The following HAGH variants were observed in gnomAD, a reference collection of about 807,000 sequenced individuals.
HAGH encodes hydroxyacylglutathione hydrolase, mitochondrial.
A neutral mutation model predicts 35.1 loss-of-function variants in HAGH; 29 were observed. The ratio of observed to expected loss-of-function variants is 0.83; its 90% confidence interval spans 0.62 to 1.13. The LOEUF (loss-of-function observed/expected upper bound fraction) is 1.13, where lower values mean the gene tolerates loss of function less well. Among genes scored for constraint, HAGH ranks in the 50% most tolerant of loss-of-function variants. HAGH has a pLI of 0.00. For missense variants in HAGH, 478 were observed against 419.6 expected (o/e 1.14, Z -1.22); for synonymous variants, 225 against 176.1 (o/e 1.28, Z -2.20).
rs150713216 is a variant in HAGH, at chr16:1,817,223, G to A, written c.590C>T (p.Ala197Val). The change falls in exon 6 of 9, where the codon GCG (alanine) becomes GTG (valine). Residue 197 changes from alanine to valine, a missense_variant. By Grantham distance (64) the Ala-to-Val change is moderately conservative. Transcript: ENST00000397356. The part of the protein sequence containing the change: ...AGCGKFYEGT[A>V]DEMCKALLEV... ...CAGCAGAGCTTTACACATCTCATCCGCAGTCCCTTCATAGAACTTCCCGCA... is the reference window on the plus strand; with the variant it reads ...CAGCAGAGCTTTACACATCTCATCCACAGTCCCTTCATAGAACTTCCCGCA... 1.3e-5 allele frequency: 21 copies of A among 1,613,230 alleles called. No individual in the cohort carries two copies. The highest frequency in any genetic ancestry group is 2.7e-5 in the African/African-American group (2 of 74,870).
At chr16:1,818,063 T>C (rs1053701764) in intron 5 of HAGH, among the ~76,000 whole-genome samples, 6 of 152,154 alleles carry the variant, frequency 3.9e-5, no homozygotes, top group African/African-American at 1.4e-4. Flanking sequence ...TGAAGGGCCC[T>C]AGACCTCGAG....
chr16:1,811,435 G>A (rs548284886), intron 7 of HAGH, among the ~76,000 whole-genome samples: 56 of 152,040 alleles, frequency 3.7e-4, no homozygotes, highest in Non-Finnish European at 6.5e-4. Flanking sequence ...ACAACAGGCC[G>A]GGCGCGGTTG....
At chr16:1,814,571 G>C (rs1897802942) in intron 7 of HAGH, among the ~76,000 whole-genome samples, 1 of 151,922 alleles carries the variant, frequency 6.6e-6, no homozygotes, top group Admixed American at 6.6e-5. Flanking sequence ...AAATGAAAAG[G>C]CAAGCCATGA....
At chr16:1,822,173 G>A (rs1898180951) in intron 3 of HAGH, 127 bp downstream of exon 3, 1 of 677,590 alleles carries the variant, frequency 1.5e-6, no homozygotes, top group Admixed American at 2.1e-5. Flanking sequence ...TTTCTCAGAA[G>A]TCTGCTGGGG....
chr16:1,813,353 A>G (rs1303634555), intron 7 of HAGH, among the ~76,000 whole-genome samples: 2 of 152,190 alleles, frequency 1.3e-5, no homozygotes, highest in African/African-American at 4.8e-5. Flanking sequence ...CTGCTTATAT[A>G]GCCTGCATAA....
At position 1,809,568 on chromosome 16, in the gene HAGH, C is replaced by T. The variant is rs184377513; in HGVS notation, c.827+186G>A. On this transcript the variant is annotated intron_variant, in intron 8 of 8. Coordinates refer to ENST00000397356, the MANE Select transcript of HAGH (RefSeq NM_005326.6). ...CTCCAGGGTCCAGAAGGACTCACAC[C>T]CCGGCCAAGGTGCCAGGAAAGGCCG... 408 of 666,096 alleles carry T rather than the reference C, an allele frequency of 6.1e-4. 2 individuals are homozygous for T. The African/African-American group carries it at 6.5e-3, about 11-fold the overall frequency. 41.3% of individuals were successfully genotyped at this position (666,096 alleles called of 1,614,324 possible).
At chr16:1,818,419 C>G (rs1384046958) in intron 5 of HAGH, 1 of 152,438 alleles carries the variant, frequency 6.6e-6, no homozygotes, top group Non-Finnish European at 1.5e-5. Flanking sequence ...TCCCTGCACC[C>G]CTGGTTTGAC....
At chr16:1,809,474 C>A (rs760162083) in intron 8 of HAGH, 92 bp from the exon 9 acceptor site, 3 of 1,064,062 alleles carry the variant, frequency 2.8e-6, no homozygotes, top group African/African-American at 1.6e-5. Flanking sequence ...TCGTGCTGGC[C>A]GAGCCCAGCC....
upstream of HAGH, chr16:1,826,950 C>G: frequency 1.6e-6 from 1 of 624,910 alleles, no homozygotes; most frequent in Non-Finnish European, 2.5e-6. Flanking sequence ...CTTGTTTTGT[C>G]CGCGAGCCCC....
At chr16:1,817,735 C>T (rs528237098) in intron 5 of HAGH, among the ~76,000 whole-genome samples, 72 of 151,712 alleles carry the variant, frequency 4.7e-4, no homozygotes, top group Non-Finnish European at 7.8e-4. Context: ...CCGCTGGGCA[C>T]CTCAGGCGCA....
intron 8 of HAGH, 84 bp from the exon 9 acceptor site, chr16:1,809,466 G>C (rs757128202): frequency 5.2e-6 from 6 of 1,157,784 alleles, no homozygotes; most frequent in South Asian, 2.5e-5. Flanking sequence ...AAGGCGACTC[G>C]TGCTGGCCGA....
chr16:1,812,796 A>G (rs1017139084), intron 7 of HAGH, among the ~76,000 whole-genome samples: 35 of 152,344 alleles, frequency 2.3e-4, no homozygotes, highest in African/African-American at 8.2e-4. Context: ...AGGCCGCAGA[A>G]TGGGAGGCGC....
intron 3 of HAGH, among the ~76,000 whole-genome samples, chr16:1,820,472 G>A (rs1898107566): frequency 6.6e-6 from 1 of 152,102 alleles, no homozygotes; most frequent in Non-Finnish European, 1.5e-5. Flanking sequence ...CCGACACTCT[G>A]GCAGGAGATC....
Position 1,826,825 on chromosome 16 carries a change from T to A in HAGH, c.-38A>T, listed in dbSNP as rs576095803. 2.5e-6 allele frequency: 3 copies of A among 1,205,472 alleles called. No homozygotes were observed. Among genetic ancestry groups the A allele is most frequent in the South Asian group, 3.2e-5 (1 of 31,278 alleles). The allele number at this position is 1,205,472 out of a possible 1,614,324, so 74.7% of individuals were successfully genotyped here. A position where few individuals can be genotyped will look rare whatever the true frequency, so the allele number is the denominator to read the frequency against. ...GCTGGACTGCCGAGCTGCCCAGGACTGCAAAACACCGGCGTCGGCGCGTCG... is the reference window on the plus strand; with the variant it reads ...GCTGGACTGCCGAGCTGCCCAGGACAGCAAAACACCGGCGTCGGCGCGTCG... On this transcript the variant is annotated 5_prime_UTR_variant, in exon 1 of 9. Coordinates refer to ENST00000397356, the MANE Select transcript of HAGH (RefSeq NM_005326.6).
At chr16:1,814,915 A>G (rs1174835793) in intron 7 of HAGH, among the ~76,000 whole-genome samples, 1 of 114,774 alleles carries the variant, frequency 8.7e-6, no homozygotes, top group Non-Finnish European at 1.7e-5. Flanking sequence ...AAACAAATAA[A>G]TATATATATG....
In HAGH at chr16:1,816,876, G is replaced by GT; in HGVS notation, c.747+16dup. On this transcript the variant is annotated intron_variant, in intron 7 of 8. Transcript: ENST00000397356. ...GCAGCCCACAGGAAGGCACTGCGCAGTGACGGCCCCACTCACCTTGGCCCA... is the reference window on the plus strand; with the variant it reads ...GCAGCCCACAGGAAGGCACTGCGCAGTTGACGGCCCCACTCACCTTGGCCCA... 2 of 1,552,044 alleles carry GT rather than the reference G, an allele frequency of 1.3e-6. No individual in the cohort carries two copies. Among genetic ancestry groups the GT allele is most frequent in the Non-Finnish European group, 1.8e-6 (2 of 1,124,542 alleles).
chr16:1,826,990 G>C (rs1567266641), upstream of HAGH: 1 of 640,108 alleles, frequency 1.6e-6, no homozygotes, highest in Non-Finnish European at 2.5e-6. Flanking sequence ...ACGGGCCTGG[G>C]AGCGGCGGCG....
rs779600491 is a variant in HAGH, at chr16:1,817,308, G to A, written c.542-37C>T. On this transcript the variant is annotated intron_variant, in intron 5 of 8. Transcript: ENST00000397356. ...GACAGCCACGAGGTGGGGGCCACTT[G>A]AGGCTGGTGGCTAGGACTCAGGAGG... 1.9e-5 allele frequency: 25 copies of A among 1,316,972 alleles called. No homozygotes were observed. The Admixed American group carries it at 3.9e-4, about 20-fold the overall frequency. 81.6% of individuals were successfully genotyped at this position (1,316,972 alleles called of 1,614,324 possible).
chr16:1,823,341 C>A (rs1185003852), intron 1 of HAGH, among the ~76,000 whole-genome samples: 1 of 151,408 alleles, frequency 6.6e-6, no homozygotes, highest in South Asian at 2.1e-4. Context: ...GATCTCGGCT[C>A]ACTGCAAGCT....
Sources: gnomAD v4.1 joint callset for allele counts (sites outside exome capture counted in the v4.1 genomes callset) on GRCh38, gnomAD v4.1.1 for gene constraint, MANE v1.5 for transcripts, NCBI Gene and HGNC (gene_info 2026-07-23, HGNC 2026-07-21) for gene names.